Variants in CPXM2 observed in about 807,000 individuals in gnomAD.
CPXM2 encodes the protein inactive carboxypeptidase-like protein X2.
CPXM2 carries 66 observed loss-of-function variants against 86.1 expected under a neutral mutation model. That is an observed-to-expected ratio of 0.77 (90% CI 0.63 to 0.94). The LOEUF is 0.94. Ranked by LOEUF, CPXM2 falls within the 40% of genes least tolerant of loss-of-function variation. The probability of loss-of-function intolerance (pLI) is 0.00; values close to 1 mark genes in which losing one functional copy is unlikely to be tolerated. For synonymous variants in CPXM2, 388 were observed against 400.2 expected (o/e 0.97, Z 0.36); for missense variants, 948 against 1,026.3 (o/e 0.92, Z 1.04).
intron 10 of CPXM2, among the ~76,000 whole-genome samples, chr10:123,765,213 G>T (rs1404395572): frequency 6.6e-6 from 1 of 152,158 alleles, no homozygotes; most frequent in Admixed American, 6.5e-5. Flanking sequence ...ATTGGTTATA[G>T]AATTCTTATA....
At chr10:123,880,145 T>TGGGGCCCCCCCCCCCCCCC in intron 2 of CPXM2, 66 bp downstream of exon 2, 1 of 407,578 alleles carries the variant, frequency 2.5e-6, no homozygotes, top group Non-Finnish European at 4.8e-6. Context: ...CAGGGGCCTG[T>TGGGGCCCCCCCCCCCCCCC]ACCCACCCAC....
intron 3 of CPXM2, 85 bp from the exon 4 acceptor site, chr10:123,842,573 G>T (rs1447621330): frequency 1.5e-6 from 2 of 1,365,642 alleles, no homozygotes; most frequent in African/African-American, 1.5e-5. Flanking sequence ...CTGAGAGGAA[G>T]GGAGGGAGGA....
intron 3 of CPXM2, among the ~76,000 whole-genome samples, chr10:123,848,704 T>A (rs1295012035): frequency 2.6e-5 from 4 of 152,254 alleles, no homozygotes; most frequent in Non-Finnish European, 5.9e-5. Flanking sequence ...AATTCATTTA[T>A]GAGTGACCCA....
intron 3 of CPXM2, among the ~76,000 whole-genome samples, chr10:123,854,439 A>ATAT (rs1848676003): frequency 1.6e-5 from 2 of 121,446 alleles, no homozygotes; most frequent in South Asian, 2.3e-4. Flanking sequence ...TATATAATAT[A>ATAT]CTTTTATATA....
At chr10:123,911,215 G>A (rs547310716) in intron 2 of CPXM2, among the ~76,000 whole-genome samples, 4 of 152,266 alleles carry the variant, frequency 2.6e-5, no homozygotes, top group Non-Finnish European at 4.4e-5. Flanking sequence ...GATCTATCTA[G>A]TTTTGTGACT....
At chr10:123,817,277 T>C (rs753538104) in intron 4 of CPXM2, among the ~76,000 whole-genome samples, 1 of 152,192 alleles carries the variant, frequency 6.6e-6, no homozygotes, top group African/African-American at 2.4e-5. Context: ...TTGGGCCATA[T>C]GACCCAGCAG....
At chr10:123,802,673 G>A (rs1392460583) in intron 4 of CPXM2, among the ~76,000 whole-genome samples, 2 of 152,096 alleles carry the variant, frequency 1.3e-5, no homozygotes, top group Non-Finnish European at 2.9e-5. Flanking sequence ...ATTAGGAGTG[G>A]AATTGCTAGG....
intron 2 of CPXM2, among the ~76,000 whole-genome samples, chr10:123,925,931 G>A (rs1185251161): frequency 6.6e-6 from 1 of 152,180 alleles, no homozygotes; most frequent in Non-Finnish European, 1.5e-5. Flanking sequence ...TTAGGCAAAA[G>A]TGCCCTATTT....
intron 2 of CPXM2, among the ~76,000 whole-genome samples, chr10:123,875,798 CTTTTCTTTCTTTTTT>C (rs1220572773): frequency 9.3e-6 from 1 of 108,050 alleles, no homozygotes; most frequent in Non-Finnish European, 2.0e-5. Context: ...ATGTTTCTTT[CTTTTCTTTCTTTTTT>C]TTTTTTTTTT....
intron 2 of CPXM2, among the ~76,000 whole-genome samples, chr10:123,872,599 A>G (rs1286396460): frequency 6.6e-6 from 1 of 152,242 alleles, no homozygotes; most frequent in African/African-American, 2.4e-5. Flanking sequence ...AAAGGCTGCT[A>G]GAAACTGGAA....
chr10:123,893,904 C>T (rs932081444), upstream of CPXM2, among the ~76,000 whole-genome samples: 1 of 152,214 alleles, frequency 6.6e-6, no homozygotes, highest in Non-Finnish European at 1.5e-5. Context: ...CCTGCACCAC[C>T]TCCATCAGAA....
intron 2 of CPXM2, among the ~76,000 whole-genome samples, chr10:123,872,452 G>A (rs903786210): frequency 7.2e-5 from 11 of 152,190 alleles, no homozygotes; most frequent in Non-Finnish European, 1.6e-4. Flanking sequence ...ATGATCTGAT[G>A]AATATTAAGT....
chr10:123,876,581 T>G (rs1475154951), intron 2 of CPXM2, among the ~76,000 whole-genome samples: 4 of 152,354 alleles, frequency 2.6e-5, no homozygotes, highest in Middle Eastern at 6.8e-3. Context: ...CGCCTGTTTT[T>G]GTATGATCTG....
intron 3 of CPXM2, among the ~76,000 whole-genome samples, chr10:123,855,114 T>G (rs1412610745): frequency 6.6e-6 from 1 of 151,946 alleles, no homozygotes; most frequent in Non-Finnish European, 1.5e-5. Context: ...TTTAAAATAT[T>G]CAGTCCTGTT....
At chr10:123,915,082 C>T (rs568183253) in intron 2 of CPXM2, among the ~76,000 whole-genome samples, 1 of 152,324 alleles carries the variant, frequency 6.6e-6, no homozygotes, top group Admixed American at 6.5e-5. Context: ...TTCCTCACTT[C>T]TCCCCCGCCT....
At chr10:123,779,951 G>C (rs1436918695) in intron 7 of CPXM2, among the ~76,000 whole-genome samples, 3 of 152,132 alleles carry the variant, frequency 2.0e-5, no homozygotes, top group African/African-American at 7.2e-5. Flanking sequence ...GATTCAAATT[G>C]TGTTTCAACA....
intron 1 of CPXM2, among the ~76,000 whole-genome samples, chr10:123,890,354 C>G (rs1053918597): frequency 1.3e-5 from 2 of 152,216 alleles, no homozygotes; most frequent in African/African-American, 4.8e-5. Context: ...ATAGGTCCAC[C>G]CTTTCAGGAG....
chr10:123,753,131 C>A (rs957035298), intron 13 of CPXM2, among the ~76,000 whole-genome samples: 43 of 151,984 alleles, frequency 2.8e-4, no homozygotes, highest in African/African-American at 9.9e-4. Flanking sequence ...AACCCAGAGA[C>A]CCCCCGGGGA....
intron 11 of CPXM2, among the ~76,000 whole-genome samples, chr10:123,759,903 C>T (rs1321321107): frequency 6.6e-6 from 1 of 152,134 alleles, no homozygotes. Context: ...GGGCCACTCC[C>T]CATTAACTAG....
Sources: gnomAD v4.1 joint callset for allele counts (sites outside exome capture counted in the v4.1 genomes callset) on GRCh38, gnomAD v4.1.1 for gene constraint, MANE v1.5 for transcripts, NCBI Gene and HGNC (gene_info 2026-07-23, HGNC 2026-07-21) for gene names.